RAD51B: variants seen among roughly 807,000 people sequenced by gnomAD.
RAD51B encodes RAD51 paralog B.
A neutral mutation model predicts 42.2 loss-of-function variants in RAD51B; 38 were observed. The observed-to-expected ratio is 0.90, with a 90% CI of 0.70 to 1.18. The LOEUF (loss-of-function observed/expected upper bound fraction) is 1.18. Among genes scored for constraint, RAD51B ranks in the 50% most tolerant of loss-of-function variants. The pLI is 0.00. For missense variants in RAD51B, 373 were observed against 400.7 expected (o/e 0.93, Z 0.59); for synonymous variants, 154 against 145.2 (o/e 1.06, Z -0.43).
chr14:68,634,017 G>T (rs980590364), intron 10 of RAD51B, among the ~76,000 whole-genome samples: 1 of 152,214 alleles, frequency 6.6e-6, no homozygotes, highest in African/African-American at 2.4e-5. Flanking sequence ...GACTGCTGAA[G>T]TTTGACAGGA....
intron 4 of RAD51B, among the ~76,000 whole-genome samples, chr14:67,845,671 T>C (rs945625051): frequency 6.6e-6 from 1 of 151,978 alleles, no homozygotes; most frequent in Non-Finnish European, 1.5e-5. Flanking sequence ...CTGTCACATA[T>C]ACACACACAC....
intron 7 of RAD51B, among the ~76,000 whole-genome samples, chr14:67,908,129 C>T (rs1566952530): frequency 6.6e-6 from 1 of 152,056 alleles, no homozygotes; most frequent in Non-Finnish European, 1.5e-5. Context: ...TCATGGTTGT[C>T]AACTTTGAGG....
intron 7 of RAD51B, among the ~76,000 whole-genome samples, chr14:68,025,745 T>C (rs1202426781): frequency 6.6e-6 from 1 of 151,964 alleles, no homozygotes; most frequent in Non-Finnish European, 1.5e-5. Flanking sequence ...TGTTTACTAA[T>C]TTGATCTCTC....
At chr14:68,270,917 A>G (rs929506199) in intron 7 of RAD51B, among the ~76,000 whole-genome samples, 2 of 152,196 alleles carry the variant, frequency 1.3e-5, no homozygotes, top group Admixed American at 6.5e-5. Context: ...TACATGAGAT[A>G]AGATGTTAAA....
intron 10 of RAD51B, among the ~76,000 whole-genome samples, chr14:68,591,771 C>T (rs541920304): frequency 1.6e-4 from 25 of 152,256 alleles, no homozygotes; most frequent in Middle Eastern, 3.4e-3. Flanking sequence ...TCTGGCAGGC[C>T]TGGGGAGATC....
intron 7 of RAD51B, among the ~76,000 whole-genome samples, chr14:68,062,567 G>A (rs1042587069): frequency 2.6e-5 from 4 of 152,238 alleles, no homozygotes; most frequent in African/African-American, 9.6e-5. Context: ...GGTGAGGCAG[G>A]CGGATCACTT....
intron 7 of RAD51B, among the ~76,000 whole-genome samples, chr14:67,985,227 T>C (rs1264923247): frequency 1.3e-5 from 2 of 152,216 alleles, no homozygotes; most frequent in Non-Finnish European, 2.9e-5. Flanking sequence ...TTCTAATACA[T>C]ATATATACAT....
chr14:68,094,719 A>T (rs2077163239), intron 7 of RAD51B, among the ~76,000 whole-genome samples: 1 of 152,228 alleles, frequency 6.6e-6, no homozygotes, highest in African/African-American at 2.4e-5. Flanking sequence ...CCCCACAGTC[A>T]GGGTGAATAT....
chr14:68,591,855 TG>T (rs1890756782), intron 10 of RAD51B, among the ~76,000 whole-genome samples: 1 of 152,106 alleles, frequency 6.6e-6, no homozygotes, highest in Admixed American at 6.6e-5. Context: ...GCCGGCCACC[TG>T]GATGGGCCTC....
chr14:68,186,612 A>G (rs2078796644), intron 7 of RAD51B, among the ~76,000 whole-genome samples: 1 of 152,208 alleles, frequency 6.6e-6, no homozygotes, highest in African/African-American at 2.4e-5. Flanking sequence ...ACATATGAAA[A>G]AATACTTATT....
chr14:67,944,233 G>T (rs1385101680), intron 7 of RAD51B, among the ~76,000 whole-genome samples: 1 of 147,402 alleles, frequency 6.8e-6, no homozygotes, highest in South Asian at 2.1e-4. Context: ...GACAGAGCTG[G>T]AGAATAATTT....
chr14:67,887,225 CT>C (rs746672778), intron 7 of RAD51B, 21 bp downstream of exon 7: 1 of 1,558,780 alleles, frequency 6.4e-7, no homozygotes, highest in Admixed American at 1.8e-5. Flanking sequence ...CTTTTTTTCT[CT>C]TTTTTCTTTT....
intron 10 of RAD51B, among the ~76,000 whole-genome samples, chr14:68,549,569 C>CG (rs1888422028): frequency 6.6e-6 from 1 of 150,460 alleles, no homozygotes; most frequent in Non-Finnish European, 1.5e-5. Context: ...GCGCGCGCCA[C>CG]CATGCCCGGC....
chr14:68,086,926 A>C (rs1297661706), intron 7 of RAD51B, among the ~76,000 whole-genome samples: 1 of 152,114 alleles, frequency 6.6e-6, no homozygotes, highest in Non-Finnish European at 1.5e-5. Flanking sequence ...ACCTGAGGTC[A>C]GGAGTTCGAG....
At chr14:67,851,417 G>A (rs569497796) in intron 4 of RAD51B, among the ~76,000 whole-genome samples, 4 of 152,220 alleles carry the variant, frequency 2.6e-5, no homozygotes, top group Non-Finnish European at 5.9e-5. Context: ...TTTCGACAGG[G>A]CTTTGGGCCA....
intron 7 of RAD51B, among the ~76,000 whole-genome samples, chr14:68,206,229 G>T (rs928771143): frequency 2.6e-5 from 4 of 152,106 alleles, no homozygotes; most frequent in African/African-American, 9.7e-5. Context: ...TATCACATCT[G>T]CAGGCACATA....
At chr14:68,450,741 A>G (rs1477580419) in intron 9 of RAD51B, among the ~76,000 whole-genome samples, 1 of 152,222 alleles carries the variant, frequency 6.6e-6, no homozygotes, top group Non-Finnish European at 1.5e-5. Flanking sequence ...ATAATCAGAA[A>G]AACATAAAGC....
chr14:68,143,833 A>G (rs916493193), intron 7 of RAD51B, among the ~76,000 whole-genome samples: 5 of 151,990 alleles, frequency 3.3e-5, no homozygotes, highest in Admixed American at 2.6e-4. Flanking sequence ...ATCAGAACCA[A>G]CCGTCACTTT....
At chr14:68,499,886 T>G (rs1028585604) in intron 10 of RAD51B, among the ~76,000 whole-genome samples, 4 of 152,196 alleles carry the variant, frequency 2.6e-5, no homozygotes, top group Non-Finnish European at 4.4e-5. Flanking sequence ...AGAGAATACA[T>G]TTCTGTGGTT....
Sources: gnomAD v4.1 joint callset for allele counts (sites outside exome capture counted in the v4.1 genomes callset) on GRCh38, gnomAD v4.1.1 for gene constraint, MANE v1.5 for transcripts, NCBI Gene and HGNC (gene_info 2026-07-23, HGNC 2026-07-21) for gene names.